STMND1: variants seen among roughly 807,000 people sequenced by gnomAD.
STMND1 encodes stathmin domain containing 1.
A neutral mutation model predicts 23.0 loss-of-function variants in STMND1; 17 were observed. The ratio of observed to expected loss-of-function variants is 0.74; its 90% CI spans 0.51 to 1.11. The LOEUF is 1.11. STMND1 is among the 50% of genes least tolerant of loss of function. The pLI is 0.00. For synonymous variants in STMND1, 114 were observed against 119.9 expected (o/e 0.95, Z 0.32); for missense variants, 305 against 329.1 (o/e 0.93, Z 0.57).
In STMND1 at chr6:17,120,660, C is replaced by T. The variant is rs535932632; in HGVS notation, c.313C>T (p.Arg105Ter). The T allele has an allele frequency of 2.3e-5, 36 of 1,534,862 alleles. No homozygotes were observed. Among genetic ancestry groups the T allele is most frequent in the Middle Eastern group, 1.7e-4 (1 of 5,988 alleles). ...NKPQSLESRE[R>*]QKSSDILEEL... Reference sequence around the variant, plus strand: ...ACCCCAATCCCTAGAGAGTCGAGAGCGACAGAAGTCATCAGATATCCTGGA... The same window carrying T: ...ACCCCAATCCCTAGAGAGTCGAGAGTGACAGAAGTCATCAGATATCCTGGA... The change falls in exon 3 of 5, where the codon CGA becomes TGA. Residue 105 changes from arginine to a stop codon, truncating the protein, a stop_gained. Transcript: ENST00000536551. LOFTEE classifies it high-confidence loss of function.
intron 1 of STMND1, among the ~76,000 whole-genome samples, chr6:17,105,223 C>T (rs1263698156): frequency 6.6e-6 from 1 of 152,226 alleles, no homozygotes; most frequent in Non-Finnish European, 1.5e-5. Flanking sequence ...CCCACTAATG[C>T]TGGCGATGAC....
chr6:17,127,791 C>T (rs1187608074), intron 3 of STMND1: 2 of 152,250 alleles, frequency 1.3e-5, no homozygotes, highest in South Asian at 2.1e-4. Flanking sequence ...GAACAATATT[C>T]AGTTCATTTT....
At chr6:17,114,922 A>G in intron 1 of STMND1, 40 bp from the exon 2 acceptor site, 1 of 1,480,778 alleles carries the variant, frequency 6.8e-7, no homozygotes, top group Non-Finnish European at 8.9e-7. Context: ...TTTATTTACC[A>G]AGAAATCTTG....
chr6:17,116,467 T>C (rs889415081), intron 2 of STMND1, among the ~76,000 whole-genome samples: 11 of 151,838 alleles, frequency 7.2e-5, no homozygotes, highest in Non-Finnish European at 1.5e-4. Flanking sequence ...TGAGACAGAG[T>C]TTTGCTCTGT....
intron 4 of STMND1, 98 bp from the exon 5 acceptor site, chr6:17,130,496 G>T (rs1761375646): frequency 1.1e-6 from 1 of 932,496 alleles, no homozygotes; most frequent in Admixed American, 3.0e-5. Flanking sequence ...ACTGAATGAT[G>T]ACATAGAGAA....
At chr6:17,117,674 T>C (rs1207047562) in intron 2 of STMND1, among the ~76,000 whole-genome samples, 2 of 135,036 alleles carry the variant, frequency 1.5e-5, no homozygotes, top group African/African-American at 5.6e-5. Flanking sequence ...ACGCTTTTTT[T>C]TTTTTTTTTT....
rs114911062 is a variant in STMND1, at chr6:17,104,394, G to A, written c.81+2056G>A. Among the ~76,000 whole-genome samples the A allele has an allele frequency of 2.9e-3, 434 of 151,824 alleles. 1 individual carries two copies. Among genetic ancestry groups the A allele is most frequent in the Non-Finnish European group, 5.2e-3 (353 of 67,952 alleles). ...CAGAAAGAAATGGGTTTCTTTTCTC[G>A]CCGTTATCATTTGTTCCATTTCATG... On this transcript the variant is annotated intron_variant, in intron 1 of 4. Transcript: ENST00000536551.
At chr6:17,116,344 C>T (rs2113483467) in intron 2 of STMND1, among the ~76,000 whole-genome samples, 1 of 152,264 alleles carries the variant, frequency 6.6e-6, no homozygotes, top group African/African-American at 2.4e-5. Context: ...GGACCTAGTA[C>T]CCTGAACTTT....
intron 1 of STMND1, among the ~76,000 whole-genome samples, chr6:17,109,326 T>C (rs931422196): frequency 7.9e-5 from 12 of 152,202 alleles, no homozygotes; most frequent in Non-Finnish European, 1.8e-4. Flanking sequence ...GTTACCATTT[T>C]GCATAAACAC....
intron 3 of STMND1, among the ~76,000 whole-genome samples, chr6:17,126,505 G>T (rs1202605426): frequency 6.6e-6 from 1 of 151,982 alleles, no homozygotes; most frequent in East Asian, 1.9e-4. Flanking sequence ...GCCTAATCTG[G>T]CATTTCTTTA....
chr6:17,115,387 A>G (rs984648919), intron 2 of STMND1, among the ~76,000 whole-genome samples: 3 of 151,606 alleles, frequency 2.0e-5, no homozygotes, highest in Non-Finnish European at 4.4e-5. Context: ...AAAAAAAAAA[A>G]AAAAAAAGAA....
intron 4 of STMND1, among the ~76,000 whole-genome samples, chr6:17,129,540 T>A (rs1761357276): frequency 6.9e-6 from 1 of 145,588 alleles, no homozygotes; most frequent in Non-Finnish European, 1.5e-5. Flanking sequence ...TGAGGCTGAT[T>A]TAAAAAAAAA....
intron 3 of STMND1, chr6:17,128,282 G>A (rs1440816657): frequency 6.6e-6 from 1 of 152,162 alleles, no homozygotes; most frequent in Non-Finnish European, 1.5e-5. Flanking sequence ...TTCCCCCGCT[G>A]TCATGAAAAT....
At chr6:17,119,831 G>A (rs1021380768) in intron 2 of STMND1, among the ~76,000 whole-genome samples, 7 of 152,164 alleles carry the variant, frequency 4.6e-5, no homozygotes, top group Non-Finnish European at 1.0e-4. Context: ...TTCCCATTGC[G>A]CTGTTACTGA....
At chr6:17,115,192 TA>T in intron 2 of STMND1, 53 bp downstream of exon 2, 2 of 1,468,528 alleles carry the variant, frequency 1.4e-6, no homozygotes, top group South Asian at 1.4e-5. Context: ...ACTGTTTCTC[TA>T]AATACGTTTA....
chr6:17,109,517 T>A (rs1761071141), intron 1 of STMND1, among the ~76,000 whole-genome samples: 1 of 152,196 alleles, frequency 6.6e-6, no homozygotes, highest in African/African-American at 2.4e-5. Flanking sequence ...GTATATATTT[T>A]TTAAATTTGT....
intron 1 of STMND1, among the ~76,000 whole-genome samples, chr6:17,104,711 G>A (rs942637882): frequency 6.6e-6 from 1 of 152,136 alleles, no homozygotes; most frequent in Admixed American, 6.5e-5. Flanking sequence ...AATAAAATCT[G>A]ATTATCTCAG....
At chr6:17,107,445 A>C (rs1023483838) in intron 1 of STMND1, among the ~76,000 whole-genome samples, 2 of 152,232 alleles carry the variant, frequency 1.3e-5, no homozygotes, top group African/African-American at 4.8e-5. Context: ...TGAGGTATAA[A>C]AAAAGTTCAT....
rs909309021 is a variant in STMND1, at chr6:17,130,937, G to T, written c.*56G>T. ...TTCATTCTCCCCATTTGTGACATTTGTAGTATGTCTCATATTCTTTGACTG... is the reference window on the plus strand; with the variant it reads ...TTCATTCTCCCCATTTGTGACATTTTTAGTATGTCTCATATTCTTTGACTG... On this transcript the variant is annotated 3_prime_UTR_variant, in exon 5 of 5. Coordinates refer to ENST00000536551, the MANE Select transcript of STMND1 (RefSeq NM_001190766.2). 21 of 1,421,956 alleles carry T rather than the reference G, an allele frequency of 1.5e-5. No homozygotes were observed. The highest frequency in any genetic ancestry group is 2.0e-5 in the Non-Finnish European group (21 of 1,070,092). 88.1% of individuals were successfully genotyped at this position (1,421,956 alleles called of 1,614,324 possible).
Sources: gnomAD v4.1 joint callset for allele counts (sites outside exome capture counted in the v4.1 genomes callset) on GRCh38, gnomAD v4.1.1 for gene constraint, MANE v1.5 for transcripts, NCBI Gene and HGNC (gene_info 2026-07-23, HGNC 2026-07-21) for gene names.